The following ZBTB20 variants were observed in gnomAD, a reference collection of about 807,000 sequenced individuals.
ZBTB20 encodes zinc finger and BTB domain-containing protein 20.
Under a neutral mutation model 56.9 loss-of-function variants are expected in ZBTB20, and 9 were observed. The observed-to-expected ratio is 0.16, with a 90% CI of 0.10 to 0.28. The LOEUF is 0.28. Ranked by LOEUF, ZBTB20 falls within the 10% of genes least tolerant of loss-of-function variation. ZBTB20 has a pLI of 1.00. For synonymous variants in ZBTB20, 417 were observed against 420.7 expected (o/e 0.99, Z 0.11); for missense variants, 655 against 1,003.0 (o/e 0.65, Z 4.69).
chr3:114,713,711 G>A (rs1217814487), intron 5 of ZBTB20, among the ~76,000 whole-genome samples: 1 of 151,984 alleles, frequency 6.6e-6, no homozygotes, highest in African/African-American at 2.4e-5. Flanking sequence ...AAGTATCTCT[G>A]GTCAGTCTCA....
At chr3:114,507,478 T>C (rs2044775349) in intron 6 of ZBTB20, among the ~76,000 whole-genome samples, 1 of 152,132 alleles carries the variant, frequency 6.6e-6, no homozygotes, top group Non-Finnish European at 1.5e-5. Flanking sequence ...AGAAAAGTTG[T>C]TACAAAGAGG....
chr3:114,421,968 C>T (rs2089218603), intron 7 of ZBTB20, among the ~76,000 whole-genome samples: 1 of 151,938 alleles, frequency 6.6e-6, no homozygotes, highest in Admixed American at 6.6e-5. Flanking sequence ...ATGGAATGGC[C>T]CCAAAGACTA....
intron 6 of ZBTB20, among the ~76,000 whole-genome samples, chr3:114,533,842 T>C (rs542832650): frequency 1.3e-5 from 2 of 152,280 alleles, no homozygotes; most frequent in African/African-American, 4.8e-5. Context: ...TTCAACATTC[T>C]TAAAGAAAAG....
In ZBTB20 at chr3:114,824,135, C is replaced by T. The variant is rs185075675; in HGVS notation, c.-416-22961G>A. ...ATTATTTTCAATAAGTTTTGTTTAG[C>T]ATTTTCACCCTCATACTAAGTGGTT... On this transcript the variant is annotated intron_variant, in intron 4 of 11. Coordinates refer to ENST00000675478, the MANE Select transcript of ZBTB20 (RefSeq NM_001348800.3). 3.3e-3 allele frequency among the ~76,000 whole-genome samples: 503 copies of T among 152,016 alleles called. 2 individuals carry two copies. Among genetic ancestry groups the T allele is most frequent in the African/African-American group, 9.1e-3 (379 of 41,510 alleles).
intron 4 of ZBTB20, among the ~76,000 whole-genome samples, chr3:114,885,662 T>C (rs973152299): frequency 1.3e-5 from 2 of 152,204 alleles, no homozygotes; most frequent in Non-Finnish European, 2.9e-5. Flanking sequence ...TTTGGTATTA[T>C]CAAAGGCATA....
Position 114,609,942 on chromosome 3 carries a change from T to C in ZBTB20, c.-295+83586A>G, listed in dbSNP as rs540882728. On this transcript the variant is annotated intron_variant, in intron 6 of 11. Coordinates refer to ENST00000675478, the MANE Select transcript of ZBTB20 (RefSeq NM_001348800.3). Reference sequence around the variant, plus strand: ...AAATTAGCAGTCAACATTTGCAAGGTCTGTTTAATTATGTCAGTGACCAGA... The same window carrying C: ...AAATTAGCAGTCAACATTTGCAAGGCCTGTTTAATTATGTCAGTGACCAGA... 2.0e-5 allele frequency among the ~76,000 whole-genome samples: 3 copies of C among 152,268 alleles called. No individual in the cohort carries two copies. In the South Asian group the frequency reaches 6.2e-4, roughly 32 times the overall value.
intron 2 of ZBTB20, among the ~76,000 whole-genome samples, chr3:115,008,876 G>A (rs2079581175): frequency 1.3e-5 from 2 of 151,890 alleles, no homozygotes; most frequent in African/African-American, 4.8e-5. Flanking sequence ...TTCTTTCTCA[G>A]CTGCTTTCTA....
chr3:114,945,847 A>T (rs2076868176), intron 3 of ZBTB20, among the ~76,000 whole-genome samples: 1 of 145,354 alleles, frequency 6.9e-6, no homozygotes, highest in East Asian at 1.9e-4. Flanking sequence ...GCTAAAAAAA[A>T]TTTACCAAAC....
intron 5 of ZBTB20, among the ~76,000 whole-genome samples, chr3:114,694,523 T>C (rs942221588): frequency 6.6e-6 from 1 of 151,970 alleles, no homozygotes; most frequent in African/African-American, 2.4e-5. Flanking sequence ...CTAAAAGTAA[T>C]GAAACACTGT....
chr3:114,940,132 T>C (rs1022651879), intron 3 of ZBTB20, among the ~76,000 whole-genome samples: 1 of 146,186 alleles, frequency 6.8e-6, no homozygotes, highest in Non-Finnish European at 1.5e-5. Context: ...AGTCACCATA[T>C]GCCAGGTACT....
intron 6 of ZBTB20, among the ~76,000 whole-genome samples, chr3:114,536,539 A>C (rs896822447): frequency 6.6e-6 from 1 of 152,228 alleles, no homozygotes; most frequent in African/African-American, 2.4e-5. Flanking sequence ...GGAAGAATCA[A>C]TATCGTGAAA....
chr3:114,496,435 C>G (rs186901279), intron 7 of ZBTB20, among the ~76,000 whole-genome samples: 14 of 152,310 alleles, frequency 9.2e-5, no homozygotes, highest in African/African-American at 2.9e-4. Context: ...TGATCACCAG[C>G]CTACGTTCTG....
At position 114,422,839 on chromosome 3, in the gene ZBTB20, A is replaced by G. The variant is rs1160743286; in HGVS notation, c.-254-33734T>C. 3.9e-5 allele frequency among the ~76,000 whole-genome samples: 6 copies of G among 152,160 alleles called. No homozygotes were observed. The East Asian group carries it at 1.2e-3, about 29-fold the overall frequency. ...ATTTATTGATGGATGAGATGAAATT[A>G]TATCATAAGCTACTGAAAAAAATGG... On this transcript the variant is annotated intron_variant, in intron 7 of 11. Transcript: ENST00000675478.
chr3:114,392,398 T>C (rs1034682540), intron 7 of ZBTB20, among the ~76,000 whole-genome samples: 1 of 152,166 alleles, frequency 6.6e-6, no homozygotes, highest in Non-Finnish European at 1.5e-5. Flanking sequence ...CCCAGAAATA[T>C]ATACACCTAC....
chr3:115,111,293 G>C (rs2083875730), intron 1 of ZBTB20, among the ~76,000 whole-genome samples: 1 of 151,818 alleles, frequency 6.6e-6, no homozygotes, highest in Non-Finnish European at 1.5e-5. Context: ...AAAGAACACT[G>C]CCCATAATGA....
At chr3:114,786,313 C>T (rs2070489143) in intron 5 of ZBTB20, among the ~76,000 whole-genome samples, 1 of 151,916 alleles carries the variant, frequency 6.6e-6, no homozygotes, top group Non-Finnish European at 1.5e-5. Context: ...CCCCAACAGG[C>T]CCCAGTGTGT....
chr3:114,489,755 G>A (rs568896707), intron 7 of ZBTB20, among the ~76,000 whole-genome samples: 7 of 152,138 alleles, frequency 4.6e-5, no homozygotes, highest in Non-Finnish European at 8.8e-5. Context: ...TGTTTTGCTC[G>A]ACAGCTGCCA....
intron 7 of ZBTB20, among the ~76,000 whole-genome samples, chr3:114,464,937 C>T (rs2092477825): frequency 6.6e-6 from 1 of 152,006 alleles, no homozygotes; most frequent in Non-Finnish European, 1.5e-5. Context: ...CTCTGAATAT[C>T]CAGGAGTTTG....
At chr3:114,393,727 C>CT (rs1415738509) in intron 7 of ZBTB20, among the ~76,000 whole-genome samples, 1 of 152,160 alleles carries the variant, frequency 6.6e-6, no homozygotes, top group East Asian at 1.9e-4. Context: ...TGAGGGGCTG[C>CT]TGATGCCACA....
Sources: allele counts gnomAD v4.1 joint callset (sites outside exome capture counted in the v4.1 genomes callset), GRCh38; gene constraint gnomAD v4.1.1; transcripts MANE v1.5; gene names NCBI Gene and HGNC (gene_info 2026-07-23, HGNC 2026-07-21).